PIK3CG: variants seen among roughly 807,000 people sequenced by gnomAD.
PIK3CG encodes phosphatidylinositol-4,5-bisphosphate 3-kinase catalytic subunit gamma.
Under a neutral mutation model 102.3 loss-of-function variants are expected in PIK3CG, and 55 were observed. That is an observed-to-expected ratio of 0.54 (90% CI 0.43 to 0.67). The LOEUF is 0.67. Ranked by LOEUF, PIK3CG falls within the 30% of genes least tolerant of loss-of-function variation. PIK3CG has a pLI of 0.00. For synonymous variants in PIK3CG, 552 were observed against 540.0 expected (o/e 1.02, Z -0.31); for missense variants, 1,258 against 1,391.8 (o/e 0.90, Z 1.53).
rs1033477767 is a variant in PIK3CG at position 106,869,917 on chromosome 7, C to T, written c.1995+361C>T. Among the ~76,000 whole-genome samples the T allele has an allele frequency of 5.9e-5, 9 of 152,320 alleles. No homozygotes were observed. Among genetic ancestry groups the T allele is most frequent in the African/African-American group, 2.2e-4 (9 of 41,568 alleles). On this transcript the variant is annotated intron_variant, in intron 2 of 10. Coordinates refer to ENST00000496166, the MANE Select transcript of PIK3CG (RefSeq NM_001282426.2). This position sits in a 1 kb window ranked among gnomAD's most constrained non-coding sequence, Gnocchi z 5.3. ...GCTTTCAGTGTATTATCTCATTTAA[C>T]TCTTCCAATAACTATGATGGAGGTC... is the stretch of plus-strand genomic sequence containing the variant.
In PIK3CG at chr7:106,882,935, A is replaced by C. The variant is rs1483702408; in HGVS notation, c.2630-98A>C. The C allele has an allele frequency of 7.1e-6, 7 of 987,626 alleles. No individual in the cohort carries two copies. The Admixed American group carries it at 1.9e-4, about 26-fold the overall frequency. 61.2% of individuals were successfully genotyped at this position (987,626 alleles called of 1,614,324 possible). A position where few individuals can be genotyped will look rare whatever the true frequency, so the allele number is the denominator to read the frequency against. On this transcript the variant is annotated intron_variant, in intron 7 of 10. Transcript: ENST00000496166. ...CTCTGGTCAAAAAAAAAAAAAAAAA[A>C]AACCCTCTGCCCTTCACTCAACAAA...
chr7:106,882,142 G>C lies in PIK3CG; in HGVS notation c.2564G>C (p.Trp855Ser). ...ATTCTACGAATCATGGAGTCTATTT[G>C]GGAGACTGAATCTTTGGATCTATGC... ...LQILRIMESI[W>S]ETESLDLCLL... Residue 855 changes from tryptophan to serine, a missense_variant, in exon 7 of 11, where the codon TGG becomes TCG. Trp to Ser is a radical substitution (Grantham distance 177, BLOSUM62 -3). This residue lies in a region of PIK3CG where 426 missense variants were observed against 604.2 expected (regional missense o/e 0.71). Transcript: ENST00000496166. 6.4e-7 allele frequency: 1 copy of C among 1,567,056 alleles called. No individual in the cohort carries two copies. The highest frequency in any genetic ancestry group is 8.7e-7 in the Non-Finnish European group (1 of 1,155,598).
chr7:106,883,270 C>A lies in PIK3CG; in HGVS notation c.2760+107C>A. On this transcript the variant is annotated intron_variant, in intron 8 of 10. Transcript: ENST00000496166. This position sits in a 1 kb window ranked among gnomAD's most constrained non-coding sequence, Gnocchi z 5.8. ...AATCTGCCAGTGTCTTGCCTCCTGA[C>A]ATATTAGTGAAGTTTTTTACTTGTG... The A allele has an allele frequency of 2.6e-6, 3 of 1,174,298 alleles. No homozygotes were observed. Among genetic ancestry groups the A allele is most frequent in the African/African-American group, 1.5e-5 (1 of 65,154 alleles). The allele number at this position is 1,174,298 out of a possible 1,614,324, so 72.7% of individuals were successfully genotyped here.
chr7:106,907,911 G>A lies in PIK3CG; in HGVS notation c.*2524G>A, dbSNP rs1025530989. Among the ~76,000 whole-genome samples, 1 of 150,816 alleles carries A rather than the reference G, an allele frequency of 6.6e-6. No individual in the cohort carries two copies. Among genetic ancestry groups the A allele is most frequent in the African/African-American group, 2.4e-5 (1 of 40,964 alleles). On this transcript the variant is annotated 3_prime_UTR_variant, in exon 11 of 11. Coordinates refer to ENST00000496166, the MANE Select transcript of PIK3CG (RefSeq NM_001282426.2). ...CAAAGAGCATAATTTCAGTTCTATA[G>A]ACTTATAGATAAATAAAAATCATCT...
At chr7:106,900,932 A>T (rs1377814922) in intron 10 of PIK3CG, among the ~76,000 whole-genome samples, 1 of 152,160 alleles carries the variant, frequency 6.6e-6, no homozygotes, top group African/African-American at 2.4e-5. Context: ...GTCCGCTGTT[A>T]GCCTGATGGG....
Position 106,899,271 on chromosome 7 carries a change from A to C in PIK3CG, c.3031-5838A>C, listed in dbSNP as rs1002182601. 1.3e-5 allele frequency among the ~76,000 whole-genome samples: 2 copies of C among 152,166 alleles called. No individual in the cohort carries two copies. The highest frequency in any genetic ancestry group is 6.5e-5 in the Admixed American group (1 of 15,268). ...CTGGAGGAGCTTTTAGGCAGAGACTATGGGGTTTTCTAGATATAAAATCAT... is the reference window on the plus strand; with the variant it reads ...CTGGAGGAGCTTTTAGGCAGAGACTCTGGGGTTTTCTAGATATAAAATCAT... On this transcript the variant is annotated intron_variant, in intron 10 of 10. Transcript: ENST00000496166. This position sits in a 1 kb window ranked among gnomAD's most constrained non-coding sequence, Gnocchi z 4.6.
chr7:106,877,639 G>T lies in PIK3CG; in HGVS notation c.2392-1880G>T, dbSNP rs1367150966. The stretch of plus-strand genomic sequence containing the variant: ...GTTTTGTTTTGTTTTGTTTTGTTTT[G>T]TTTTTCCTGGAGAACTACCTTGGCA... On this transcript the variant is annotated intron_variant, in intron 5 of 10. Coordinates refer to ENST00000496166, the MANE Select transcript of PIK3CG (RefSeq NM_001282426.2). The surrounding 1 kb of genome is among the most constrained non-coding windows in gnomAD (Gnocchi z 4.5). Among the ~76,000 whole-genome samples, 1 of 152,042 alleles carries T rather than the reference G, an allele frequency of 6.6e-6. No individual in the cohort carries two copies. The highest frequency in any genetic ancestry group is 1.5e-5 in the Non-Finnish European group (1 of 68,000).
At position 106,868,138 on chromosome 7, in the gene PIK3CG, C is replaced by A. The variant is rs749620239; in HGVS notation, c.577C>A (p.Pro193Thr). 6.2e-7 allele frequency: 1 copy of A among 1,611,870 alleles called. No individual in the cohort carries two copies. Among genetic ancestry groups the A allele is most frequent in the Non-Finnish European group, 8.5e-7 (1 of 1,179,364 alleles). The change falls in exon 2 of 11, where the codon CCC becomes ACC. Residue 193 changes from proline to threonine, a missense_variant. Transcript: ENST00000496166. The surrounding 1 kb of genome is among the most constrained non-coding windows in gnomAD (Gnocchi z 6.2). ...PRMAEVASRDPKLYAMHPWVT... is the reference protein window; with the variant it reads ...PRMAEVASRDTKLYAMHPWVT... Reference sequence around the variant, plus strand: ...CATGGCGGAGGTGGCCAGCCGCGACCCCAAGCTCTACGCCATGCACCCGTG... The same window carrying A: ...CATGGCGGAGGTGGCCAGCCGCGACACCAAGCTCTACGCCATGCACCCGTG...
Position 106,867,568 on chromosome 7 carries a change from C to T in PIK3CG, c.7C>T (p.Leu3=), listed in dbSNP as rs1165971751. The change falls in exon 2 of 11, where the codon CTG becomes TTG. Residue 3 remains leucine (L), a synonymous_variant. Transcript: ENST00000496166. This position sits in a 1 kb window ranked among gnomAD's most constrained non-coding sequence, Gnocchi z 5.1. ME[L]ENYKQPVVLR... The stretch of plus-strand genomic sequence containing the variant: ...CTCCCAGGTCGCATAGGGCATGGAG[C>T]TGGAGAACTATAAACAGCCCGTGGT... 2.6e-6 allele frequency: 4 copies of T among 1,567,626 alleles called. No individual in the cohort carries two copies. The East Asian group carries it at 9.0e-5, about 35-fold the overall frequency.
At chr7:106,885,700 A>C (rs1487675317) in intron 9 of PIK3CG, among the ~76,000 whole-genome samples, 1 of 152,162 alleles carries the variant, frequency 6.6e-6, no homozygotes, top group Non-Finnish European at 1.5e-5. Context: ...GAGCTTAGAT[A>C]CATTCAGGAT....
Position 106,894,843 on chromosome 7 carries a change from T to C in PIK3CG, c.3030+8551T>C, listed in dbSNP as rs775401407. On this transcript the variant is annotated intron_variant, in intron 10 of 10. Coordinates refer to ENST00000496166, the MANE Select transcript of PIK3CG (RefSeq NM_001282426.2). The surrounding 1 kb of genome is among the most constrained non-coding windows in gnomAD (Gnocchi z 4.4). ...GGTTAATAAATTAGTAGATTGTATA[T>C]AAAAGTAGTTTGTTTTCAGTTTAGT... 1.6e-4 allele frequency among the ~76,000 whole-genome samples: 24 copies of C among 152,210 alleles called. No homozygotes were observed. Among genetic ancestry groups the C allele is most frequent in the Non-Finnish European group, 3.1e-4 (21 of 68,030 alleles).
intron 10 of PIK3CG, among the ~76,000 whole-genome samples, chr7:106,889,079 T>C (rs771535318): frequency 6.6e-6 from 1 of 152,270 alleles, no homozygotes; most frequent in East Asian, 1.9e-4. Flanking sequence ...GAAACCATTT[T>C]TGAAATGAGA....
In PIK3CG at chr7:106,893,939, G is replaced by A. The variant is rs763989852; in HGVS notation, c.3030+7647G>A. The stretch of plus-strand genomic sequence containing the variant: ...CTTACTGAATACTGTAGGCAGTTGT[G>A]ACACAATGTTATGCACTTGTGTATC... On this transcript the variant is annotated intron_variant, in intron 10 of 10. Coordinates refer to ENST00000496166, the MANE Select transcript of PIK3CG (RefSeq NM_001282426.2). This position sits in a 1 kb window ranked among gnomAD's most constrained non-coding sequence, Gnocchi z 4.4. Among the ~76,000 whole-genome samples the A allele has an allele frequency of 5.3e-5, 8 of 152,124 alleles. No homozygotes were observed. Among genetic ancestry groups the A allele is most frequent in the Non-Finnish European group, 1.2e-4 (8 of 68,030 alleles).
chr7:106,881,905 G>C (rs1003062016), intron 6 of PIK3CG, among the ~76,000 whole-genome samples: 5 of 151,882 alleles, frequency 3.3e-5, no homozygotes, highest in African/African-American at 1.2e-4. Context: ...TCTTCCCCAA[G>C]GTACATTTCG....
rs1224457261 is a variant in PIK3CG at position 106,877,387 on chromosome 7, A to G, written c.2392-2132A>G. On this transcript the variant is annotated intron_variant, in intron 5 of 10. Coordinates refer to ENST00000496166, the MANE Select transcript of PIK3CG (RefSeq NM_001282426.2). The surrounding 1 kb of genome is among the most constrained non-coding windows in gnomAD (Gnocchi z 4.5). ...CCTGCAGGGTACAGGATAGTCCCCC[A>G]GAACCAACACTATCCACCCCAAAAT... Among the ~76,000 whole-genome samples, 1 of 152,234 alleles carries G rather than the reference A, an allele frequency of 6.6e-6. No individual in the cohort carries two copies. Among genetic ancestry groups the G allele is most frequent in the Non-Finnish European group, 1.5e-5 (1 of 68,036 alleles).
intron 7 of PIK3CG, 95 bp from the exon 8 acceptor site, chr7:106,882,938 C>G (rs1387690132): frequency 1.9e-6 from 1 of 539,406 alleles, no homozygotes; most frequent in South Asian, 3.3e-5. Context: ...AAAAAAAAAA[C>G]CCTCTGCCCT....
Position 106,868,013 on chromosome 7 carries a change from A to C in PIK3CG, c.452A>C (p.Gln151Pro), listed in dbSNP as rs2116428193. Residue 151 changes from glutamine to proline, a missense_variant, in exon 2 of 11, where the codon CAG becomes CCG. This residue lies in a region of PIK3CG where 832 missense variants were observed against 787.5 expected (regional missense o/e 1.06). Transcript: ENST00000496166. This position sits in a 1 kb window ranked among gnomAD's most constrained non-coding sequence, Gnocchi z 6.2. ...CCCTCCGAGGAGTCCCAAGCCTTCC[A>C]GCGGCAGCTCACGGCGCTGATTGGC... ...HPPSEESQAFQRQLTALIGYD... is the reference protein window; with the variant it reads ...HPPSEESQAFPRQLTALIGYD... 6.2e-7 allele frequency: 1 copy of C among 1,612,056 alleles called. No homozygotes were observed. The highest frequency in any genetic ancestry group is 1.3e-5 in the African/African-American group (1 of 75,020).
In PIK3CG at chr7:106,908,111, T is replaced by C. The variant is rs1791737596; in HGVS notation, c.*2724T>C. 6.6e-6 allele frequency among the ~76,000 whole-genome samples: 1 copy of C among 152,060 alleles called. No individual in the cohort carries two copies. Among genetic ancestry groups the C allele is most frequent in the African/African-American group, 2.4e-5 (1 of 41,382 alleles). On this transcript the variant is annotated 3_prime_UTR_variant, in exon 11 of 11. Coordinates refer to ENST00000496166, the MANE Select transcript of PIK3CG (RefSeq NM_001282426.2). The surrounding 1 kb of genome is among the most constrained non-coding windows in gnomAD (Gnocchi z 4.1). ...TCAGATGAATCAGGCCAAAGCAACT[T>C]TTATGTATATCTAGGACTGGCGACA...
rs2116619374 is a variant in PIK3CG at position 106,905,318 on chromosome 7, G to C, written c.3240G>C (p.Trp1080Cys). ...TCGAAGTTTGCAGAGACAAAGGATGGACTGTGCAGTTTAATTGGTTTCTAC... is the reference window on the plus strand; with the variant it reads ...TCGAAGTTTGCAGAGACAAAGGATGCACTGTGCAGTTTAATTGGTTTCTAC... ...DQIEVCRDKG[W>C]TVQFNWFLHL... The change falls in exon 11 of 11, where the codon TGG (tryptophan) becomes TGC (cysteine). Residue 1080 changes from tryptophan to cysteine, a missense_variant. Physicochemically the swap from Trp to Cys is radical, Grantham distance 215 (BLOSUM62 -2). Transcript: ENST00000496166. This position sits in a 1 kb window ranked among gnomAD's most constrained non-coding sequence, Gnocchi z 5.6. The C allele has an allele frequency of 6.2e-7, 1 of 1,614,028 alleles. No homozygotes were observed. Among genetic ancestry groups the C allele is most frequent in the Non-Finnish European group, 8.5e-7 (1 of 1,179,928 alleles).
Sources: gnomAD v4.1 joint callset for allele counts (sites outside exome capture counted in the v4.1 genomes callset) on GRCh38, gnomAD v4.1.1 for gene constraint, gnomAD v4.1.1 regional missense constraint, Gnocchi (gnomAD v3.1) non-coding constraint, MANE v1.5 for transcripts, NCBI Gene and HGNC (gene_info 2026-07-23, HGNC 2026-07-21) for gene names.